Variants in CHM observed in about 807,000 individuals in gnomAD.
CHM encodes the protein CHM Rab escort protein.
CHM carries 10 observed loss-of-function variants against 49.0 expected under a neutral mutation model. The observed-to-expected ratio is 0.20, with a 90% CI of 0.13 to 0.35. The LOEUF (loss-of-function observed/expected upper bound fraction) is 0.35, where lower values mean the gene tolerates loss of function less well. Among genes scored for constraint, CHM ranks in the 10% least tolerant of loss-of-function variants. The probability of loss-of-function intolerance (pLI) is 1.00; values close to 1 mark genes in which losing one functional copy is unlikely to be tolerated. For synonymous variants in CHM, 184 were observed against 167.5 expected (o/e 1.10, Z -0.76); for missense variants, 455 against 478.4 (o/e 0.95, Z 0.46).
chrX:85,980,339 C>T (rs1168535148), intron 3 of CHM, among the ~76,000 whole-genome samples: 1 of 112,048 alleles, frequency 8.9e-6, no homozygotes. Flanking sequence ...TACTTATTTA[C>T]TCTCTTGACT....
Position 86,047,076 on chromosome X carries a change from A to G in CHM, c.49+408T>C, listed in dbSNP as rs150920035. 1.2e-4 allele frequency among the ~76,000 whole-genome samples: 13 copies of G among 111,529 alleles called. No homozygotes were observed. In the East Asian group the frequency reaches 2.8e-3, roughly 24 times the overall value. ...TCATACAAATCTATGAAAAAGTCCT[A>G]TGAAATGGCGAGACAAAATGATGGG... is the stretch of plus-strand genomic sequence containing the variant. On this transcript the variant is annotated intron_variant, in intron 1 of 14. Coordinates refer to ENST00000357749, the MANE Select transcript of CHM (RefSeq NM_000390.4).
At chrX:85,960,325 A>G (rs1183632937) in intron 5 of CHM, among the ~76,000 whole-genome samples, 1 of 111,866 alleles carries the variant, frequency 8.9e-6, no homozygotes, top group Non-Finnish European at 1.9e-5. Context: ...TGCATTTAAG[A>G]TATCACAAGA....
intron 8 of CHM, among the ~76,000 whole-genome samples, chrX:85,921,891 G>A (rs1218371803): frequency 8.9e-6 from 1 of 112,120 alleles, no homozygotes; most frequent in Non-Finnish European, 1.9e-5. Context: ...TACATGTAGG[G>A]AAATCTAAAT....
intron 2 of CHM, among the ~76,000 whole-genome samples, chrX:85,990,593 A>G (rs778715536): frequency 1.8e-5 from 2 of 111,810 alleles, no homozygotes; most frequent in South Asian, 7.4e-4. Flanking sequence ...TAAGTTATAC[A>G]ACCCTCTCTT....
intron 1 of CHM, among the ~76,000 whole-genome samples, chrX:86,039,013 A>G (rs1266613531): frequency 2.7e-5 from 3 of 112,586 alleles, no homozygotes; most frequent in African/African-American, 9.7e-5. Flanking sequence ...TGTTTCACCT[A>G]CATCAAACTT....
intron 2 of CHM, among the ~76,000 whole-genome samples, chrX:86,013,955 C>A (rs1361490751): frequency 9.0e-6 from 1 of 111,561 alleles, no homozygotes; most frequent in African/African-American, 3.3e-5. Context: ...GCTTTGCAGG[C>A]CACACAGCCT....
chrX:85,969,302 A>G (rs1603265736), intron 4 of CHM: 9 of 737,749 alleles, frequency 1.2e-5, no homozygotes, highest in Non-Finnish European at 1.3e-5. Flanking sequence ...AAGAAACTAG[A>G]TGACTTTATG....
intron 8 of CHM, among the ~76,000 whole-genome samples, chrX:85,950,009 A>ATATATATATATATATATATATC (rs1569422903): frequency 1.4e-4 from 11 of 81,295 alleles, no homozygotes; most frequent in African/African-American, 1.4e-4. Context: ...ATATATATAT[A>ATATATATATATATATATATATC]TCTTGTAATG....
intron 8 of CHM, among the ~76,000 whole-genome samples, chrX:85,943,374 C>T (rs182790037): frequency 8.9e-6 from 1 of 112,211 alleles, no homozygotes; most frequent in Non-Finnish European, 1.9e-5. Flanking sequence ...GGCTCCTCAG[C>T]ATTAATGCTT....
chrX:85,872,712 T>G (rs1027952637), intron 14 of CHM, among the ~76,000 whole-genome samples: 1 of 112,136 alleles, frequency 8.9e-6, no homozygotes, highest in African/African-American at 3.2e-5. Flanking sequence ...ATAGCAATCG[T>G]CCAACTGTTT....
At chrX:86,039,657 G>A (rs377347669) in intron 1 of CHM, among the ~76,000 whole-genome samples, 8 of 110,512 alleles carry the variant, frequency 7.2e-5, no homozygotes, top group South Asian at 3.9e-4. Context: ...AAACCATGAC[G>A]CAAAGTGAGA....
intron 1 of CHM, among the ~76,000 whole-genome samples, chrX:86,043,677 C>T (rs1009769137): frequency 2.7e-5 from 3 of 110,804 alleles, no homozygotes; most frequent in African/African-American, 3.3e-5. Context: ...CCACCTGCCT[C>T]GGCTTCCCCA....
At chrX:85,990,878 C>A (rs747898792) in intron 2 of CHM, among the ~76,000 whole-genome samples, 11 of 111,982 alleles carry the variant, frequency 9.8e-5, no homozygotes, top group African/African-American at 3.2e-4. Flanking sequence ...CAGCAGCAGG[C>A]ATAGCTAAAT....
intron 2 of CHM, among the ~76,000 whole-genome samples, chrX:86,021,310 A>T (rs1396603193): frequency 1.9e-5 from 2 of 106,937 alleles, no homozygotes; most frequent in African/African-American, 6.8e-5. Flanking sequence ...ACTATGAAGC[A>T]CTGTTATAAA....
intron 8 of CHM, among the ~76,000 whole-genome samples, chrX:85,948,079 TAAAA>T (rs199813773): frequency 9.3e-6 from 1 of 107,057 alleles, no homozygotes; most frequent in Non-Finnish European, 1.9e-5. Flanking sequence ...CATCTACACA[TAAAA>T]AAAAAATGTG....
chrX:86,030,093 G>A lies in CHM; in HGVS notation c.50-2536C>T, dbSNP rs181711979. The stretch of plus-strand genomic sequence containing the variant: ...AAATAACTCTTACTTAGGGTAGGCA[G>A]TTATACACGTGGTTATTTCCATGGC... On this transcript the variant is annotated intron_variant, in intron 1 of 14. Coordinates refer to ENST00000357749, the MANE Select transcript of CHM (RefSeq NM_000390.4). Among the ~76,000 whole-genome samples, 144 of 112,266 alleles carry A rather than the reference G, an allele frequency of 1.3e-3. 1 individual carries two copies. Among genetic ancestry groups the A allele is most frequent in the Middle Eastern group, 4.6e-3 (1 of 216 alleles).
At position 85,879,068 on chromosome X, in the gene CHM, T is replaced by C. The variant is rs771313951; in HGVS notation, c.1511-5A>G. ...TGCAAGTCAAATGAACCAAATCTGT[T>C]AAAAAAAAAATATTTGAGTTCCTTG... On this transcript the variant is annotated splice_region_variant and splice_polypyrimidine_tract_variant and intron_variant, in intron 12 of 14. Transcript: ENST00000357749. The C allele has an allele frequency of 2.8e-6, 3 of 1,070,223 alleles. No homozygotes were observed. The highest frequency in any genetic ancestry group is 3.8e-6 in the Non-Finnish European group (3 of 785,299). 88.2% of individuals were successfully genotyped at this position (1,070,223 alleles called of 1,213,427 possible). A position where few individuals can be genotyped will look rare whatever the true frequency, so the allele number is the denominator to read the frequency against.
intron 5 of CHM, among the ~76,000 whole-genome samples, chrX:85,959,441 T>C (rs1040596313): frequency 9.0e-6 from 1 of 111,102 alleles, no homozygotes; most frequent in East Asian, 2.8e-4. Context: ...TAAGAATCTA[T>C]AGTCTTACAC....
chrX:85,911,129 G>GTGTA (rs1219677231), intron 9 of CHM, 132 bp downstream of exon 9: 7 of 6,899 alleles, frequency 1.0e-3, no homozygotes, highest in African/African-American at 3.0e-3. Flanking sequence ...GTGTGTATAT[G>GTGTA]TATATATATA....
Sources: gnomAD v4.1 joint callset for allele counts (sites outside exome capture counted in the v4.1 genomes callset) on GRCh38, gnomAD v4.1.1 for gene constraint, MANE v1.5 for transcripts, NCBI Gene and HGNC (gene_info 2026-07-23, HGNC 2026-07-21) for gene names.